AFG1L: variants seen among roughly 807,000 people sequenced by gnomAD.
AFG1L encodes the protein AFG1-like ATPase.
In AFG1L, 53 loss-of-function variants were observed where a neutral mutation model predicts 62.2. That is an observed-to-expected ratio of 0.85 (90% CI 0.68 to 1.07). The LOEUF (loss-of-function observed/expected upper bound fraction) is 1.07. Among genes scored for constraint, AFG1L ranks in the 50% least tolerant of loss-of-function variants. AFG1L has a pLI of 0.00. For synonymous variants in AFG1L, 228 were observed against 210.3 expected, an observed-to-expected ratio of 1.08 and a Z score of -0.73; for missense variants, 555 against 590.5, an observed-to-expected ratio of 0.94 and a Z score of 0.62.
Position 108,295,076 on chromosome 6 carries a change from C to G in AFG1L, c.-4C>G. On this transcript the variant is annotated 5_prime_UTR_variant, in exon 1 of 13. Coordinates refer to ENST00000368977, the MANE Select transcript of AFG1L (RefSeq NM_145315.5). ...CCTCTTCCTCTCCTCGTACGGAGTT[C>G]AAGATGGCGGCCTCCTGGTCGCTCT... 1 of 1,610,890 alleles carries G rather than the reference C, an allele frequency of 6.2e-7. No individual in the cohort carries two copies. The highest frequency in any genetic ancestry group is 1.1e-5 in the South Asian group (1 of 91,076).
chr6:108,471,860 CTT>C (rs1772911976), intron 8 of AFG1L, among the ~76,000 whole-genome samples: 1 of 152,168 alleles, frequency 6.6e-6, no homozygotes, highest in African/African-American at 2.4e-5. Flanking sequence ...TTACTCTTCT[CTT>C]TTCATATTCC....
intron 7 of AFG1L, among the ~76,000 whole-genome samples, chr6:108,413,412 C>A (rs1301993806): frequency 6.6e-6 from 1 of 152,166 alleles, no homozygotes; most frequent in East Asian, 1.9e-4. Flanking sequence ...CTGCACCAAG[C>A]AGACCTAATA....
chr6:108,314,798 C>G (rs1777530757), intron 1 of AFG1L, among the ~76,000 whole-genome samples: 1 of 152,046 alleles, frequency 6.6e-6, no homozygotes, highest in African/African-American at 2.4e-5. Context: ...CTTACAAAAT[C>G]TGCCTTACTT....
chr6:108,407,425 T>A (rs776156279), intron 7 of AFG1L, among the ~76,000 whole-genome samples: 1 of 152,126 alleles, frequency 6.6e-6, no homozygotes, highest in Non-Finnish European at 1.5e-5. Context: ...ACACTTGTAA[T>A]CCCAGTGCTT....
intron 3 of AFG1L, among the ~76,000 whole-genome samples, chr6:108,352,677 G>A (rs952873850): frequency 1.3e-5 from 2 of 152,060 alleles, no homozygotes; most frequent in African/African-American, 4.8e-5. Flanking sequence ...CGATCCTCCT[G>A]CCTCAGCTTT....
At chr6:108,411,096 A>G (rs1334773717) in intron 7 of AFG1L, among the ~76,000 whole-genome samples, 1 of 152,116 alleles carries the variant, frequency 6.6e-6, no homozygotes, top group Admixed American at 6.5e-5. Flanking sequence ...GCCTTAGCAA[A>G]CGGCACACCA....
intron 7 of AFG1L, among the ~76,000 whole-genome samples, chr6:108,443,468 A>G (rs1192142090): frequency 6.6e-6 from 1 of 152,236 alleles, no homozygotes; most frequent in Non-Finnish European, 1.5e-5. Flanking sequence ...ACTTCTTGAT[A>G]ACTGGAATAT....
intron 6 of AFG1L, among the ~76,000 whole-genome samples, chr6:108,373,138 TA>T (rs1420372544): frequency 6.6e-6 from 1 of 152,180 alleles, no homozygotes; most frequent in Non-Finnish European, 1.5e-5. Context: ...TCCCATCACC[TA>T]GGTACTGAGC....
At position 108,377,498 on chromosome 6, in the gene AFG1L, A is replaced by G. The variant is rs775885640; in HGVS notation, c.748+11166A>G. Among the ~76,000 whole-genome samples the G allele has an allele frequency of 3.3e-5, 5 of 152,272 alleles. 1 individual carries two copies. In the South Asian group the frequency reaches 8.3e-4, roughly 25 times the overall value. ...GAAAAGATTTTATTTCTTCTTTGCT[A>G]TGAAACTTAATTTGGCAGAATATGA... On this transcript the variant is annotated intron_variant, in intron 6 of 12. Transcript: ENST00000368977.
chr6:108,509,881 G>C (rs1331535617), intron 10 of AFG1L, among the ~76,000 whole-genome samples: 1 of 152,204 alleles, frequency 6.6e-6, no homozygotes, highest in Non-Finnish European at 1.5e-5. Flanking sequence ...TTGGAGCTCA[G>C]TTAGGATTTA....
chr6:108,461,676 C>G (rs1484103199), intron 8 of AFG1L, among the ~76,000 whole-genome samples: 1 of 152,160 alleles, frequency 6.6e-6, no homozygotes, highest in Non-Finnish European at 1.5e-5. Flanking sequence ...CCAGGCTGGT[C>G]TCAAATTCTT....
intron 2 of AFG1L, among the ~76,000 whole-genome samples, chr6:108,335,188 C>T (rs535416735): frequency 4.6e-5 from 7 of 152,068 alleles, no homozygotes; most frequent in Admixed American, 4.6e-4. Flanking sequence ...CCAGGCTGGT[C>T]TTGAATTCCT....
At chr6:108,342,160 G>C (rs983096724) in intron 2 of AFG1L, among the ~76,000 whole-genome samples, 1 of 152,114 alleles carries the variant, frequency 6.6e-6, no homozygotes, top group African/African-American at 2.4e-5. Flanking sequence ...GGGAGGGATG[G>C]GAGAGAACGA....
chr6:108,424,824 C>T (rs556894189), intron 7 of AFG1L, among the ~76,000 whole-genome samples: 1 of 152,144 alleles, frequency 6.6e-6, no homozygotes, highest in East Asian at 1.9e-4. Flanking sequence ...TTTGAAAGGA[C>T]TCCTGTATGT....
intron 3 of AFG1L, among the ~76,000 whole-genome samples, chr6:108,350,467 T>A (rs1052677164): frequency 6.6e-6 from 1 of 152,192 alleles, no homozygotes; most frequent in African/African-American, 2.4e-5. Flanking sequence ...TTCGCAGATG[T>A]GTTGAGATGA....
chr6:108,355,615 C>T, intron 3 of AFG1L, 39 bp from the exon 4 acceptor site: 3 of 1,048,154 alleles, frequency 2.9e-6, no homozygotes, highest in Middle Eastern at 5.0e-4. Flanking sequence ...TCAGTACATA[C>T]TATTTAATAG....
rs988474173 is a variant in AFG1L at position 108,422,315 on chromosome 6, G to C, written c.807+20261G>C. Among the ~76,000 whole-genome samples the C allele has an allele frequency of 5.3e-5, 8 of 151,764 alleles. No homozygotes were observed. In the East Asian group the frequency reaches 1.5e-3, roughly 29 times the overall value. ...CATTGCATTTATTCTGAGGCAGGTG[G>C]ATTACTTGAGCTCAGGAGTTTGAGA... is the stretch of plus-strand genomic sequence containing the variant. On this transcript the variant is annotated intron_variant, in intron 7 of 12. Transcript: ENST00000368977.
intron 6 of AFG1L, among the ~76,000 whole-genome samples, chr6:108,372,462 T>G (rs755240118): frequency 5.9e-5 from 9 of 151,928 alleles, no homozygotes; most frequent in Non-Finnish European, 1.3e-4. Context: ...CCTGAGTAGC[T>G]GGGATTACAG....
At chr6:108,325,917 C>T (rs997869461) in intron 2 of AFG1L, among the ~76,000 whole-genome samples, 1 of 152,138 alleles carries the variant, frequency 6.6e-6, no homozygotes, top group Non-Finnish European at 1.5e-5. Context: ...GCTGGGATTA[C>T]AGGCACCTGC....
Sources: allele counts gnomAD v4.1 joint callset (sites outside exome capture counted in the v4.1 genomes callset), GRCh38; gene constraint gnomAD v4.1.1; transcripts MANE v1.5; gene names NCBI Gene and HGNC (gene_info 2026-07-23, HGNC 2026-07-21).